Variants in NOP53 observed in about 807,000 individuals in gnomAD.
The protein encoded by NOP53 is NOP53 ribosome biogenesis factor.
NOP53 carries 40 observed loss-of-function variants against 61.0 expected under a neutral mutation model. The ratio of observed to expected loss-of-function variants is 0.66; its 90% confidence interval spans 0.51 to 0.85. The LOEUF (loss-of-function observed/expected upper bound fraction) is 0.85, where lower values mean the gene tolerates loss of function less well. Ranked by LOEUF, NOP53 falls within the 40% of genes least tolerant of loss-of-function variation. NOP53 has a pLI of 0.00. For missense variants in NOP53, 689 were observed against 652.9 expected (o/e 1.06, Z -0.60); for synonymous variants, 308 against 289.5 (o/e 1.06, Z -0.65).
chr19:47,750,230 A>G lies in NOP53; in HGVS notation c.342A>G (p.Lys114=). The G allele has an allele frequency of 6.2e-7, 1 of 1,612,932 alleles. No homozygotes were observed. The highest frequency in any genetic ancestry group is 1.1e-5 in the South Asian group (1 of 91,062). The change falls in exon 3 of 13, where the codon AAA becomes AAG. Residue 114 remains lysine (K), a synonymous_variant. Coordinates refer to ENST00000246802, the MANE Select transcript of NOP53 (RefSeq NM_015710.5). ...AGAAGAAGTCACTGCTTCTCAAGAA[A>G]CCCCTTCGGGTTGACCTCATCCTCG... ...KVQKKSLLLK[K]PLRVDLILEN... is the part of the protein sequence containing the mutation.
At chr19:47,749,176 TGGG>T (rs987174943) in intron 2 of NOP53, among the ~76,000 whole-genome samples, 7 of 142,638 alleles carry the variant, frequency 4.9e-5, no homozygotes, top group East Asian at 2.0e-4. Flanking sequence ...AAAAAAAAAG[TGGG>T]GGGTTATTAG....
intron 6 of NOP53, chr19:47,752,963 C>G (rs758178032): frequency 2.4e-5 from 5 of 205,228 alleles, no homozygotes; most frequent in Non-Finnish European, 4.0e-5. Context: ...TGAGAGAGAC[C>G]GTGGCGCCTT....
rs1197709551 is a variant in NOP53, at chr19:47,747,081, A to G, written c.289+50A>G. Reference sequence around the variant, plus strand: ...GAATGGCGGTTATTCATTGTTAGTCAGCTTACGGTAGCCTCTGAGATCTGT... The same window carrying G: ...GAATGGCGGTTATTCATTGTTAGTCGGCTTACGGTAGCCTCTGAGATCTGT... On this transcript the variant is annotated intron_variant, in intron 2 of 12. Transcript: ENST00000246802. 4 of 1,375,210 alleles carry G rather than the reference A, an allele frequency of 2.9e-6. No individual in the cohort carries two copies. In the African/African-American group the frequency reaches 4.3e-5, roughly 15 times the overall value. The allele number at this position is 1,375,210 out of a possible 1,614,324, so 85.2% of individuals were successfully genotyped here.
At chr19:47,753,018 G>T in intron 6 of NOP53, 1 of 179,918 alleles carries the variant, frequency 5.6e-6, no homozygotes, top group Admixed American at 5.6e-5. Context: ...GTGGTGACAC[G>T]GTGGCACACT....
chr19:47,752,726 A>C lies in NOP53; in HGVS notation c.765+119A>C, dbSNP rs1030802940. ...CCCAGACAGCCCTGGGCCTGTCCGC[A>C]ACGGGGCTCACGGTCCAGTGCAAGA... On this transcript the variant is annotated intron_variant, in intron 6 of 12. Coordinates refer to ENST00000246802, the MANE Select transcript of NOP53 (RefSeq NM_015710.5). 1.9e-5 allele frequency: 13 copies of C among 675,058 alleles called. No homozygotes were observed. In the African/African-American group the frequency reaches 2.3e-4, roughly 12 times the overall value. The allele number at this position is 675,058 out of a possible 1,614,324, so 41.8% of individuals were successfully genotyped here.
chr19:47,749,608 C>G (rs958455958), intron 2 of NOP53, among the ~76,000 whole-genome samples: 2 of 138,514 alleles, frequency 1.4e-5, no homozygotes, highest in Non-Finnish European at 3.2e-5. Flanking sequence ...AAGTAAAAAC[C>G]ACAGGTATCT....
chr19:47,750,119 G>C (rs1967106394), intron 2 of NOP53, 59 bp from the exon 3 acceptor site: 3 of 1,040,830 alleles, frequency 2.9e-6, no homozygotes. Flanking sequence ...GAATAGGGTG[G>C]GTGGTCTTTG....
At chr19:47,749,220 C>T (rs1340542558) in intron 2 of NOP53, among the ~76,000 whole-genome samples, 1 of 151,412 alleles carries the variant, frequency 6.6e-6, no homozygotes, top group African/African-American at 2.4e-5. Flanking sequence ...GTGAGTTGAT[C>T]TGGTGTGTGA....
intron 6 of NOP53, chr19:47,753,029 G>A (rs182041178): frequency 2.4e-4 from 42 of 175,980 alleles, no homozygotes; most frequent in Admixed American, 4.5e-4. Flanking sequence ...GTGGCACACT[G>A]GCAGCCAAGT....
At chr19:47,749,731 G>A (rs1037545385) in intron 2 of NOP53, among the ~76,000 whole-genome samples, 16 of 151,746 alleles carry the variant, frequency 1.1e-4, no homozygotes, top group Admixed American at 6.6e-5. Context: ...AGTGTCAACT[G>A]ATGACTTGCT....
intron 2 of NOP53, among the ~76,000 whole-genome samples, chr19:47,748,932 C>A (rs1000235016): frequency 6.6e-6 from 1 of 151,812 alleles, no homozygotes; most frequent in Non-Finnish European, 1.5e-5. Flanking sequence ...GAGGCTGATG[C>A]GGGTGGATCA....
chr19:47,747,601 C>T (rs1164164061), intron 2 of NOP53, among the ~76,000 whole-genome samples: 8 of 151,268 alleles, frequency 5.3e-5, no homozygotes, highest in Middle Eastern at 3.4e-3. Flanking sequence ...GAGATCGCGC[C>T]GCTGAACTCC....
At chr19:47,746,115 T>C (rs1967060232) in intron 1 of NOP53, 3 of 347,882 alleles carry the variant, frequency 8.6e-6, no homozygotes, top group Non-Finnish European at 1.6e-5. Context: ...TGTGTGTATG[T>C]ATATATGTGT....
At chr19:47,749,030 G>A (rs991264328) in intron 2 of NOP53, among the ~76,000 whole-genome samples, 2 of 151,672 alleles carry the variant, frequency 1.3e-5, no homozygotes, top group South Asian at 2.1e-4. Flanking sequence ...GCGTGGTGGC[G>A]CATGCCTGTA....
Position 47,745,675 on chromosome 19 carries a change from G to A in NOP53, c.116G>A (p.Arg39Gln). The A allele has an allele frequency of 6.2e-7, 1 of 1,613,394 alleles. No homozygotes were observed. The highest frequency in any genetic ancestry group is 2.2e-5 in the East Asian group (1 of 44,842). The change falls in exon 1 of 13, where the codon CGA becomes CAA. Residue 39 changes from arginine to glutamine, a missense_variant. Transcript: ENST00000246802. ...SVDPALRRRR[R>Q]GPRNKKRGWR... The stretch of plus-strand genomic sequence containing the variant: ...GACCCAGCGCTGAGGCGGCGGCGGC[G>A]AGGCCCAAGAAATAAGAAGCGGGGC...
At chr19:47,748,959 T>G (rs955592494) in intron 2 of NOP53, among the ~76,000 whole-genome samples, 1 of 151,566 alleles carries the variant, frequency 6.6e-6, no homozygotes, top group Non-Finnish European at 1.5e-5. Context: ...GTCGGGAGTT[T>G]GAGACCAGCC....
chr19:47,755,537 C>T lies in NOP53; in HGVS notation c.1229+14C>T, dbSNP rs943507661. The T allele has an allele frequency of 2.5e-5, 37 of 1,465,100 alleles. No homozygotes were observed. The highest frequency in any genetic ancestry group is 1.3e-4 in the African/African-American group (9 of 69,864). 90.8% of individuals were successfully genotyped at this position (1,465,100 alleles called of 1,614,324 possible). On this transcript the variant is annotated intron_variant, in intron 9 of 12. Coordinates refer to ENST00000246802, the MANE Select transcript of NOP53 (RefSeq NM_015710.5). ...GGGGCGGCTCAAGTGAGAACCAGGCCGGGGGTTCTGGGAGAGGCTGGGGAG... is the reference window on the plus strand; with the variant it reads ...GGGGCGGCTCAAGTGAGAACCAGGCTGGGGGTTCTGGGAGAGGCTGGGGAG...
chr19:47,745,848 C>T (rs919891842), intron 1 of NOP53, 65 bp downstream of exon 1: 6 of 473,498 alleles, frequency 1.3e-5, no homozygotes, highest in African/African-American at 3.4e-5. Flanking sequence ...GCCAGGCGTG[C>T]TTGCGTGGAC....
In NOP53 at chr19:47,754,651, A is replaced by G; in HGVS notation, c.870+20A>G. The G allele has an allele frequency of 6.5e-7, 1 of 1,541,068 alleles. No individual in the cohort carries two copies. Among genetic ancestry groups the G allele is most frequent in the South Asian group, 1.2e-5 (1 of 83,714 alleles). On this transcript the variant is annotated intron_variant, in intron 7 of 12. Transcript: ENST00000246802. The surrounding 1 kb of genome is among the most constrained non-coding windows in gnomAD (Gnocchi z 4.2). ...ACCCAGGTGAGCCCCGCACCTGCCC[A>G]CTCCCTCCCCTCCCCGGGCCTCCTA...
Sources: gnomAD v4.1 joint callset for allele counts (sites outside exome capture counted in the v4.1 genomes callset) on GRCh38, gnomAD v4.1.1 for gene constraint, Gnocchi (gnomAD v3.1) non-coding constraint, MANE v1.5 for transcripts, NCBI Gene and HGNC (gene_info 2026-07-23, HGNC 2026-07-21) for gene names.